MYO9A: variants seen among roughly 807,000 people sequenced by gnomAD.
MYO9A encodes the protein myosin IXA, also known as unconventional myosin-IXa.
Under a neutral mutation model 293.3 loss-of-function variants are expected in MYO9A, and 103 were observed. The ratio of observed to expected loss-of-function variants is 0.35; its 90% CI spans 0.30 to 0.41. The LOEUF is 0.41. MYO9A is among the 10% of genes least tolerant of loss of function. MYO9A has a pLI of 1.00. For synonymous variants in MYO9A, 1,001 were observed against 1,035.7 expected, an observed-to-expected ratio of 0.97 and a Z score of 0.64; for missense variants, 2,685 against 3,033.0, an observed-to-expected ratio of 0.89 and a Z score of 2.69.
chr15:71,898,894 T>C lies in MYO9A; in HGVS notation c.3609A>G (p.Ile1203Met), dbSNP rs1337802918. The C allele has an allele frequency of 6.2e-7, 1 of 1,614,130 alleles. No individual in the cohort carries two copies. Among genetic ancestry groups the C allele is most frequent in the Non-Finnish European group, 8.5e-7 (1 of 1,179,994 alleles). Residue 1203 changes from isoleucine (I) to methionine (M), a missense_variant, in exon 25 of 42, where the codon ATA becomes ATG. Coordinates refer to ENST00000356056, the MANE Select transcript of MYO9A (RefSeq NM_006901.4). ...GWEDCSFDNRIKAIEECKSVI... is the reference protein window; with the variant it reads ...GWEDCSFDNRMKAIEECKSVI... ...CAGATTTACATTCCTCTATGGCTTTTATTCTGTTGTCAAAAGAACAATCCT... is the reference window on the plus strand; with the variant it reads ...CAGATTTACATTCCTCTATGGCTTTCATTCTGTTGTCAAAAGAACAATCCT...
At chr15:71,934,287 C>A (rs367904857) in intron 17 of MYO9A, among the ~76,000 whole-genome samples, 56 of 152,070 alleles carry the variant, frequency 3.7e-4, no homozygotes, top group African/African-American at 1.3e-3. Context: ...GTTAGAAAGA[C>A]CTGGACAACA....
intron 4 of MYO9A, among the ~76,000 whole-genome samples, chr15:72,027,366 G>T (rs923734345): frequency 3.3e-5 from 5 of 152,016 alleles, no homozygotes; most frequent in African/African-American, 1.2e-4. Flanking sequence ...CTAAAGACCT[G>T]TATACCTCAA....
chr15:71,896,401 A>C (rs1040625272), intron 25 of MYO9A, among the ~76,000 whole-genome samples: 1 of 152,224 alleles, frequency 6.6e-6, no homozygotes, highest in African/African-American at 2.4e-5. Flanking sequence ...TAATACAAGT[A>C]TCTTCAATTT....
At chr15:71,906,763 T>TTTTTTTTC (rs2057663669) in intron 19 of MYO9A, among the ~76,000 whole-genome samples, 2 of 113,738 alleles carry the variant, frequency 1.8e-5, no homozygotes, top group Non-Finnish European at 3.7e-5. Flanking sequence ...TCTTTCTTTT[T>TTTTTTTTC]TTTTTTTTTT....
intron 2 of MYO9A, among the ~76,000 whole-genome samples, chr15:72,037,480 A>G (rs992878817): frequency 6.6e-6 from 1 of 152,176 alleles, no homozygotes; most frequent in African/African-American, 2.4e-5. Flanking sequence ...AGTAAAAGGT[A>G]AGGCAGAGTT....
chr15:72,056,699 G>A (rs1205475360), intron 1 of MYO9A, among the ~76,000 whole-genome samples: 1 of 152,224 alleles, frequency 6.6e-6, no homozygotes, highest in African/African-American at 2.4e-5. Flanking sequence ...ACTCAGCTGG[G>A]CGCAGTGGCT....
At chr15:71,941,256 T>C (rs1319029241) in intron 15 of MYO9A, among the ~76,000 whole-genome samples, 1 of 151,990 alleles carries the variant, frequency 6.6e-6, no homozygotes, top group Non-Finnish European at 1.5e-5. Flanking sequence ...GCTAACACGG[T>C]AAAACCCCAT....
chr15:71,901,114 C>T lies in MYO9A; in HGVS notation c.3150+77G>A, dbSNP rs2057470017. ...TCACATTATTACTGAAAATGTTTTA[C>T]AGTAAAAAGGTTCTGGTTACTAAAC... On this transcript the variant is annotated intron_variant, in intron 23 of 41. Coordinates refer to ENST00000356056, the MANE Select transcript of MYO9A (RefSeq NM_006901.4). 1.5e-5 allele frequency: 21 copies of T among 1,438,756 alleles called. 1 individual carries two copies. The South Asian group carries it at 2.6e-4, about 18-fold the overall frequency. 89.1% of individuals were successfully genotyped at this position (1,438,756 alleles called of 1,614,324 possible). A position where few individuals can be genotyped will look rare whatever the true frequency, so the allele number is the denominator to read the frequency against.
At chr15:71,892,332 A>T (rs551363200) in intron 26 of MYO9A, 1 of 152,156 alleles carries the variant, frequency 6.6e-6, no homozygotes, top group South Asian at 2.1e-4. Flanking sequence ...TTTGCTCACT[A>T]TATGTTTTAA....
chr15:72,014,880 C>T (rs1357232857), intron 6 of MYO9A, among the ~76,000 whole-genome samples: 2 of 151,894 alleles, frequency 1.3e-5, no homozygotes, highest in Non-Finnish European at 2.9e-5. Context: ...TTTCACTCTG[C>T]CCACCCACGC....
Position 71,880,432 on chromosome 15 carries a change from T to C in MYO9A, c.5525A>G (p.Asn1842Ser). 1 of 1,614,232 alleles carries C rather than the reference T, an allele frequency of 6.2e-7. No homozygotes were observed. Among genetic ancestry groups the C allele is most frequent in the Non-Finnish European group, 8.5e-7 (1 of 1,180,024 alleles). The change falls in exon 29 of 42, where the codon AAC becomes AGC. Residue 1842 changes from asparagine (N) to serine (S), a missense_variant. Physicochemically the swap from Asn to Ser is conservative, Grantham distance 46. Transcript: ENST00000356056. ...AKRKRSVKIS[N>S]VALDSMHWQN... ...CCAATGCATAGAATCCAAAGCCACG[T>C]TGCTAATCTTCACACTTCGCTTGCG... is the stretch of plus-strand genomic sequence containing the variant.
chr15:71,876,425 ATTT>A (rs397854202), intron 31 of MYO9A, among the ~76,000 whole-genome samples: 3 of 61,074 alleles, frequency 4.9e-5, no homozygotes, highest in East Asian at 7.6e-4. Context: ...CCTGGCTGGT[ATTT>A]TTTTTTTTTT....
chr15:71,997,165 T>C lies in MYO9A; in HGVS notation c.1471-2580A>G, dbSNP rs544075787. Among the ~76,000 whole-genome samples, 8 of 152,214 alleles carry C rather than the reference T, an allele frequency of 5.3e-5. No individual in the cohort carries two copies. In the East Asian group the frequency reaches 1.5e-3, roughly 29 times the overall value. ...CTCCTTTTAAAACAAAAAAACAAAT[T>C]AAGATTTTTTTTTCTTAAAACACTT... On this transcript the variant is annotated intron_variant, in intron 9 of 41. Transcript: ENST00000356056.
chr15:71,919,990 T>C, intron 18 of MYO9A, among the ~76,000 whole-genome samples: 1 of 152,142 alleles, frequency 6.6e-6, no homozygotes. Context: ...TCAGACTCTG[T>C]TGTAAGTGCT....
At chr15:71,882,804 CTTTTT>C (rs1313701250) in intron 28 of MYO9A, among the ~76,000 whole-genome samples, 2 of 151,932 alleles carry the variant, frequency 1.3e-5, no homozygotes, top group Admixed American at 6.6e-5. Context: ...AATAACTTTT[CTTTTT>C]TATTTATTTA....
At chr15:71,980,221 C>G (rs2076238806) in intron 11 of MYO9A, among the ~76,000 whole-genome samples, 1 of 152,098 alleles carries the variant, frequency 6.6e-6, no homozygotes. Flanking sequence ...CCACACAAAA[C>G]TTTTGGTGTG....
At chr15:71,964,900 C>T (rs932701256) in intron 13 of MYO9A, among the ~76,000 whole-genome samples, 1 of 151,352 alleles carries the variant, frequency 6.6e-6, no homozygotes, top group Admixed American at 6.6e-5. Context: ...GGTTGCAGTA[C>T]GCCAAGATCG....
chr15:71,850,689 CG>C (rs2055596947), intron 37 of MYO9A, among the ~76,000 whole-genome samples: 1 of 134,234 alleles, frequency 7.4e-6, no homozygotes, highest in Non-Finnish European at 1.5e-5. Context: ...TCACTTGAAC[CG>C]GGGAGGCGGA....
chr15:71,850,789 A>G (rs2141307079), intron 37 of MYO9A, among the ~76,000 whole-genome samples: 1 of 148,940 alleles, frequency 6.7e-6, no homozygotes, highest in South Asian at 2.1e-4. Context: ...AAAAAAAAAA[A>G]AAAAAAAAAA....
Sources: gnomAD v4.1 joint callset for allele counts (sites outside exome capture counted in the v4.1 genomes callset) on GRCh38, gnomAD v4.1.1 for gene constraint, MANE v1.5 for transcripts, NCBI Gene and HGNC (gene_info 2026-07-23, HGNC 2026-07-21) for gene names.